Variants in NACC1 observed in about 807,000 individuals in gnomAD.
The protein encoded by NACC1 is nucleus accumbens-associated protein 1.
NACC1 carries 6 observed loss-of-function variants against 41.7 expected under a neutral mutation model. The ratio of observed to expected loss-of-function variants is 0.14; its 90% CI spans 0.08 to 0.28. The LOEUF (loss-of-function observed/expected upper bound fraction) is 0.28, where lower values mean the gene tolerates loss of function less well. Among genes scored for constraint, NACC1 ranks in the 10% least tolerant of loss-of-function variants. NACC1 has a pLI of 1.00. For synonymous variants in NACC1, 338 were observed against 330.6 expected, an observed-to-expected ratio of 1.02 and a Z score of -0.24; for missense variants, 434 against 763.7, an observed-to-expected ratio of 0.57 and a Z score of 5.09.
intron 1 of NACC1, among the ~76,000 whole-genome samples, chr19:13,124,018 G>A (rs2019531301): frequency 6.6e-6 from 1 of 152,184 alleles, no homozygotes; most frequent in African/African-American, 2.4e-5. Context: ...TTGAGTAGGG[G>A]ACACTGTTAC....
intron 1 of NACC1, among the ~76,000 whole-genome samples, chr19:13,120,862 C>T (rs2019480677): frequency 6.6e-6 from 1 of 152,180 alleles, no homozygotes; most frequent in Admixed American, 6.5e-5. Context: ...GTAATAACTG[C>T]TTTTCGGTGA....
chr19:13,118,817 A>G (rs2019447300), intron 1 of NACC1, among the ~76,000 whole-genome samples: 1 of 91,550 alleles, frequency 1.1e-5, no homozygotes, highest in Non-Finnish European at 2.1e-5. Context: ...GGGGAGGAGG[A>G]GTCGGGCTCC....
At position 13,136,520 on chromosome 19, in the gene NACC1, G is replaced by A; in HGVS notation, c.1120+115G>A. ...GCACCTCAGTTTCCCTATCTGTGCT[G>A]TAGTGTTGGTAACAGCCACCCTAAG... On this transcript the variant is annotated intron_variant, in intron 3 of 5. Coordinates refer to ENST00000292431, the MANE Select transcript of NACC1 (RefSeq NM_052876.4). The surrounding 1 kb of genome is among the most constrained non-coding windows in gnomAD (Gnocchi z 5.5). 7.9e-7 allele frequency: 1 copy of A among 1,260,096 alleles called. No homozygotes were observed. Among genetic ancestry groups the A allele is most frequent in the South Asian group, 1.5e-5 (1 of 65,794 alleles). 78.1% of individuals were successfully genotyped at this position (1,260,096 alleles called of 1,614,324 possible). A position where few individuals can be genotyped will look rare whatever the true frequency, so the allele number is the denominator to read the frequency against.
chr19:13,137,557 G>A lies in NACC1; in HGVS notation c.1306G>A (p.Val436Met), dbSNP rs916113827. The A allele has an allele frequency of 1.9e-6, 3 of 1,557,618 alleles. No homozygotes were observed. Among genetic ancestry groups the A allele is most frequent in the Admixed American group, 3.9e-5 (2 of 51,342 alleles). The stretch of plus-strand genomic sequence containing the variant: ...CCGTCGGAAGCCCCTGGACAGCCGC[G>A]TGCTCCACGCTGTCAAGTGTGAGTG... ...DPRRKPLDSR[V>M]LHAVKYYCQN... The change falls in exon 5 of 6, where the codon GTG becomes ATG. Residue 436 changes from valine (V) to methionine (M), a missense_variant. By Grantham distance (21) the Val-to-Met change is conservative (BLOSUM62 1). Transcript: ENST00000292431. The surrounding 1 kb of genome is among the most constrained non-coding windows in gnomAD (Gnocchi z 6.1).
chr19:13,138,585 G>A lies in NACC1; in HGVS notation c.*179G>A. On this transcript the variant is annotated 3_prime_UTR_variant, in exon 6 of 6. Transcript: ENST00000292431. The surrounding 1 kb of genome is among the most constrained non-coding windows in gnomAD (Gnocchi z 5.7). ...CCCACCGAGAGCTGGGCCGGGAGAG[G>A]ACCGCAGGGCAGGTGGCGTGAGGTC... is the stretch of plus-strand genomic sequence containing the variant. 1 of 934,254 alleles carries A rather than the reference G, an allele frequency of 1.1e-6. No homozygotes were observed. Among genetic ancestry groups the A allele is most frequent in the Non-Finnish European group, 1.6e-6 (1 of 637,178 alleles). The allele number at this position is 934,254 out of a possible 1,614,324, so 57.9% of individuals were successfully genotyped here.
rs775298467 is a variant in NACC1 at position 13,135,177 on chromosome 19, A to T, written c.-8-23A>T. 3.9e-6 allele frequency: 6 copies of T among 1,543,318 alleles called. No individual in the cohort carries two copies. In the South Asian group the frequency reaches 6.2e-5, roughly 16 times the overall value. On this transcript the variant is annotated intron_variant, in intron 1 of 5. Coordinates refer to ENST00000292431, the MANE Select transcript of NACC1 (RefSeq NM_052876.4). ...CCCGTCCCTCCGTCTCTGTCTCTCC[A>T]TTCCTCCCTGCCCCTCGTGCAGCCG...
intron 1 of NACC1, among the ~76,000 whole-genome samples, chr19:13,134,185 A>C (rs528597252): frequency 6.6e-6 from 1 of 151,920 alleles, no homozygotes; most frequent in Non-Finnish European, 1.5e-5. Flanking sequence ...CACCCTCCCT[A>C]GTAGCTGGGA....
chr19:13,137,429 C>T lies in NACC1; in HGVS notation c.1227-49C>T. The T allele has an allele frequency of 6.2e-7, 1 of 1,611,652 alleles. No individual in the cohort carries two copies. The highest frequency in any genetic ancestry group is 8.5e-7 in the Non-Finnish European group (1 of 1,178,710). The stretch of plus-strand genomic sequence containing the variant: ...GGGGGGTGGGGTTTCCCCATGTCCC[C>T]CCCACCACCAACTTGAGCGCTGACT... On this transcript the variant is annotated intron_variant, in intron 4 of 5. Transcript: ENST00000292431. The surrounding 1 kb of genome is among the most constrained non-coding windows in gnomAD (Gnocchi z 6.1).
At chr19:13,127,333 CAAAAAAAAA>C (rs59958429) in intron 1 of NACC1, among the ~76,000 whole-genome samples, 1 of 40,126 alleles carries the variant, frequency 2.5e-5, no homozygotes, top group Admixed American at 4.2e-4. Flanking sequence ...ACGTCTCTAC[CAAAAAAAAA>C]AAAAAAAAAA....
In NACC1 at chr19:13,136,521, T is replaced by TTACCAACACTACAGC; in HGVS notation, c.1120+116_1120+117insTACCAACACTACAGC. 8.0e-7 allele frequency: 1 copy of TTACCAACACTACAGC among 1,253,938 alleles called. No individual in the cohort carries two copies. The highest frequency in any genetic ancestry group is 1.1e-6 in the Non-Finnish European group (1 of 926,580). 77.7% of individuals were successfully genotyped at this position (1,253,938 alleles called of 1,614,324 possible). ...CACCTCAGTTTCCCTATCTGTGCTG[T>TTACCAACACTACAGC]AGTGTTGGTAACAGCCACCCTAAGG... On this transcript the variant is annotated intron_variant, in intron 3 of 5. Transcript: ENST00000292431. This position sits in a 1 kb window ranked among gnomAD's most constrained non-coding sequence, Gnocchi z 5.5.
intron 1 of NACC1, among the ~76,000 whole-genome samples, chr19:13,128,486 C>T (rs2019593015): frequency 6.6e-6 from 1 of 152,164 alleles, no homozygotes; most frequent in Non-Finnish European, 1.5e-5. Context: ...CATTGGGGCT[C>T]AGAGTTTCAA....
At chr19:13,135,017 GTC>G (rs1394647108) in intron 1 of NACC1, among the ~76,000 whole-genome samples, 181 bp from the exon 2 acceptor site, 2 of 152,258 alleles carry the variant, frequency 1.3e-5, no homozygotes, top group Non-Finnish European at 2.9e-5. Flanking sequence ...GTAAAAGTGA[GTC>G]TGTACCAGGA....
Position 13,135,557 on chromosome 19 carries a change from C to T in NACC1, c.350C>T (p.Thr117Ile), listed in dbSNP as rs778692787. 3 of 1,609,664 alleles carry T rather than the reference C, an allele frequency of 1.9e-6. No individual in the cohort carries two copies. Among genetic ancestry groups the T allele is most frequent in the Non-Finnish European group, 2.5e-6 (3 of 1,178,538 alleles). The part of the protein sequence containing the change: ...LQIQEIMEKG[T>I]EFFLKVSSPS... Reference sequence around the variant, plus strand: ...ATCCAGGAGATCATGGAGAAGGGCACCGAGTTCTTCCTCAAGGTGAGCTCC... The same window carrying T: ...ATCCAGGAGATCATGGAGAAGGGCATCGAGTTCTTCCTCAAGGTGAGCTCC... The change falls in exon 2 of 6, where the codon ACC (threonine) becomes ATC (isoleucine). Residue 117 changes from threonine to isoleucine, a missense_variant. Transcript: ENST00000292431.
At chr19:13,132,943 G>A (rs2019651221) in intron 1 of NACC1, among the ~76,000 whole-genome samples, 1 of 152,140 alleles carries the variant, frequency 6.6e-6, no homozygotes, top group Non-Finnish European at 1.5e-5. Flanking sequence ...TTGTACCTCT[G>A]AGCCTTTGAA....
At chr19:13,117,495 T>A (rs2145604761), upstream of NACC1, 1 of 152,296 alleles carries the variant, frequency 6.6e-6, no homozygotes, top group Non-Finnish European at 1.5e-5. Context: ...CTACCATCAC[T>A]TCCTTGCTGT....
rs146131893 is a variant in NACC1, at chr19:13,137,330, C to A, written c.1180C>A (p.Arg394=). 5.6e-6 allele frequency: 9 copies of A among 1,613,842 alleles called. No homozygotes were observed. The African/African-American group carries it at 1.1e-4, about 19-fold the overall frequency. ...GAACTGCCACGTCAGCGCAGGCACG[C>A]GGCACAAGGTCCTACTGCGGCGGCT... The part of the protein sequence containing the change: ...LMNCHVSAGT[R]HKVLLRRLLA... Residue 394 remains arginine (R), a synonymous_variant, in exon 4 of 6, where the codon CGG becomes AGG. Coordinates refer to ENST00000292431, the MANE Select transcript of NACC1 (RefSeq NM_052876.4). This position sits in a 1 kb window ranked among gnomAD's most constrained non-coding sequence, Gnocchi z 6.1.
At chr19:13,121,939 C>G (rs1465342208) in intron 1 of NACC1, among the ~76,000 whole-genome samples, 1 of 152,226 alleles carries the variant, frequency 6.6e-6, no homozygotes, top group African/African-American at 2.4e-5. Flanking sequence ...AGTGGTCTGG[C>G]TACCACCCCT....
At chr19:13,121,894 G>C (rs1025090128) in intron 1 of NACC1, among the ~76,000 whole-genome samples, 2 of 152,214 alleles carry the variant, frequency 1.3e-5, no homozygotes, top group Non-Finnish European at 2.9e-5. Flanking sequence ...CAAGGCAACT[G>C]AGGCACCCTA....
chr19:13,137,717 C>A lies in NACC1; in HGVS notation c.1324+142C>A. 1 of 725,808 alleles carries A rather than the reference C, an allele frequency of 1.4e-6. No individual in the cohort carries two copies. The allele number at this position is 725,808 out of a possible 1,614,324, so 45.0% of individuals were successfully genotyped here. ...CATTCTAGCCTTGCTGGGAAACCGG[C>A]TGTGATTGCTTAGAGATTTCTTCGT... On this transcript the variant is annotated intron_variant, in intron 5 of 5. Transcript: ENST00000292431. This position sits in a 1 kb window ranked among gnomAD's most constrained non-coding sequence, Gnocchi z 6.1.
Sources: allele counts gnomAD v4.1 joint callset (sites outside exome capture counted in the v4.1 genomes callset), GRCh38; gene constraint gnomAD v4.1.1; non-coding constraint Gnocchi (gnomAD v3.1); transcripts MANE v1.5; gene names NCBI Gene and HGNC (gene_info 2026-07-23, HGNC 2026-07-21).